Variants in UMODL1 observed in about 807,000 individuals in gnomAD.
UMODL1 encodes uromodulin like 1.
UMODL1 carries 128 observed loss-of-function variants against 136.3 expected under a neutral mutation model. That is an observed-to-expected ratio of 0.94 (90% CI 0.81 to 1.09). The LOEUF is 1.09. UMODL1 is among the 50% of genes least tolerant of loss of function. The pLI is 0.00. For synonymous variants in UMODL1, 721 were observed against 720.0 expected (o/e 1.00, Z -0.02); for missense variants, 1,766 against 1,725.6 (o/e 1.02, Z -0.41).
At chr21:42,086,437 G>A in intron 4 of UMODL1, 1 of 442,020 alleles carries the variant, frequency 2.3e-6, no homozygotes, top group South Asian at 1.6e-5. Flanking sequence ...ACCTCATGTT[G>A]TTCTGGGCTG....
intron 20 of UMODL1, among the ~76,000 whole-genome samples, chr21:42,128,379 T>C (rs1420274414): frequency 1.3e-5 from 2 of 152,142 alleles, no homozygotes; most frequent in Non-Finnish European, 2.9e-5. Context: ...GTACATGAGG[T>C]TCCCACATGT....
intron 7 of UMODL1, among the ~76,000 whole-genome samples, chr21:42,101,095 G>A (rs1298810926): frequency 6.6e-6 from 1 of 151,022 alleles, no homozygotes; most frequent in Non-Finnish European, 1.5e-5. Context: ...TTATAAAAAT[G>A]CCCTTTTTTT....
Position 42,110,942 on chromosome 21 carries a change from C to G in UMODL1, c.1720C>G (p.Leu574Val). 6.2e-7 allele frequency: 1 copy of G among 1,613,108 alleles called. No individual in the cohort carries two copies. The highest frequency in any genetic ancestry group is 1.3e-5 in the African/African-American group (1 of 75,042). The change falls in exon 11 of 23, where the codon CTT becomes GTT. Residue 574 changes from leucine (L) to valine (V), a missense_variant. Transcript: ENST00000408910. ...GGCAACAGGGGTAACGGTCCCAGGTCTTGGCACGGGAACAGCAGCCCTCGG... is the reference window on the plus strand; with the variant it reads ...GGCAACAGGGGTAACGGTCCCAGGTGTTGGCACGGGAACAGCAGCCCTCGG... The part of the protein sequence containing the change: ...SAATGVTVPG[L>V]GTGTAALGLE...
chr21:42,138,745 T>C (rs1179923714), intron 22 of UMODL1, among the ~76,000 whole-genome samples: 1 of 152,152 alleles, frequency 6.6e-6, no homozygotes, highest in Non-Finnish European at 1.5e-5. Flanking sequence ...CCAGCTAGTT[T>C]TGTATTTTTA....
chr21:42,066,467 G>A (rs764186233), upstream of UMODL1, among the ~76,000 whole-genome samples: 1 of 152,092 alleles, frequency 6.6e-6, no homozygotes, highest in Non-Finnish European at 1.5e-5. Context: ...TGTATTTTTA[G>A]TAGAGGCAGG....
Position 42,113,670 on chromosome 21 carries a change from G to C in UMODL1, c.2202G>C (p.Gln734His), listed in dbSNP as rs1176842620. 5 of 1,613,930 alleles carry C rather than the reference G, an allele frequency of 3.1e-6. No homozygotes were observed. In the African/African-American group the frequency reaches 6.7e-5, roughly 22 times the overall value. The part of the protein sequence containing the change: ...EADLAMDSTF[Q>H]LTLTSMWSPA... ...ATCTTGCTATGGACTCCACCTTCCA[G>C]CTCACTCTGACTTCCATGTGGAGCC... The change falls in exon 13 of 23, where the codon CAG (glutamine) becomes CAC (histidine). Residue 734 changes from glutamine to histidine, a missense_variant. Gln to His is a conservative substitution (Grantham distance 24). Transcript: ENST00000408910.
At chr21:42,097,152 G>A (rs570929886) in intron 6 of UMODL1, among the ~76,000 whole-genome samples, 7 of 152,274 alleles carry the variant, frequency 4.6e-5, no homozygotes, top group South Asian at 2.1e-4. Context: ...CCAGTATGCC[G>A]AAAATCACTG....
In UMODL1 at chr21:42,121,202, A is replaced by G. The variant is rs1208846532; in HGVS notation, c.2805A>G (p.Glu935=). The G allele has an allele frequency of 1.2e-6, 2 of 1,613,700 alleles. No homozygotes were observed. Among genetic ancestry groups the G allele is most frequent in the East Asian group, 2.2e-5 (1 of 44,858 alleles). ...CEGGAPDFPV[E]YSERPCEGDS... ...GAGGAGCCCCCGACTTCCCTGTGGA[A>G]TATTCTGAGAGACCCTGTGAAGGTA... The change falls in exon 16 of 23, where the codon GAA becomes GAG. Residue 935 remains glutamate (E), a synonymous_variant. Transcript: ENST00000408910.
chr21:42,116,792 G>C (rs220140), intron 14 of UMODL1, among the ~76,000 whole-genome samples: 92,562 of 152,048 alleles, frequency 0.61, 28,206 homozygotes, highest in Middle Eastern at 0.7. Context: ...GAAGTCACTC[G>C]CAGCTGGGCA....
Position 42,086,721 on chromosome 21 carries a change from T to A in UMODL1, c.603+1309T>A, listed in dbSNP as rs151063587. 103 of 438,348 alleles carry A rather than the reference T, an allele frequency of 2.3e-4. No individual in the cohort carries two copies. The East Asian group carries it at 4.1e-3, about 17-fold the overall frequency. The allele number at this position is 438,348 out of a possible 1,614,324, so 27.2% of individuals were successfully genotyped here. A position where few individuals can be genotyped will look rare whatever the true frequency, so the allele number is the denominator to read the frequency against. ...TGGCTCAAGCTTGTAATCCCAGCAC[T>A]TTGGGAGGCCGAGGCAGGCGGATCA... On this transcript the variant is annotated intron_variant, in intron 4 of 22. Transcript: ENST00000408910.
At chr21:42,081,865 G>T (rs926856693) in intron 2 of UMODL1, among the ~76,000 whole-genome samples, 1 of 152,130 alleles carries the variant, frequency 6.6e-6, no homozygotes, top group Non-Finnish European at 1.5e-5. Flanking sequence ...CATTTAGTCC[G>T]CATGTCTGCT....
rs150223579 is a variant in UMODL1 at position 42,109,452 on chromosome 21, G to A, written c.1520-110G>A. The A allele has an allele frequency of 3.2e-3, 4,797 of 1,490,806 alleles. 85 individuals carry two copies. In the Admixed American group the frequency reaches 0.043, roughly 13 times the overall value. 92.3% of individuals were successfully genotyped at this position (1,490,806 alleles called of 1,614,324 possible). ...GATGCCCCAAAATGCCCCTGCTCCC[G>A]GCCGTTCACTGCAAAGACGGCTAGG... is the stretch of plus-strand genomic sequence containing the variant. On this transcript the variant is annotated intron_variant, in intron 9 of 22. Transcript: ENST00000408910.
At position 42,111,524 on chromosome 21, in the gene UMODL1, A is replaced by G. The variant is rs746724468; in HGVS notation, c.1918A>G (p.Met640Val). 2.5e-6 allele frequency: 4 copies of G among 1,613,774 alleles called. 1 individual carries two copies. The South Asian group carries it at 3.3e-5, about 13-fold the overall frequency. ...VEQELQGNSI[M>V]EPPSWPSPTE... ...TGGACAGCTACAGGGAAACTCCATC[A>G]TGGAGCCACCCTCCTGGCCTTCCCC... Residue 640 changes from methionine (M) to valine (V), a missense_variant, in exon 12 of 23, where the codon ATG becomes GTG. Transcript: ENST00000408910.
chr21:42,125,904 AGCCG>A (rs1481069937), intron 17 of UMODL1, among the ~76,000 whole-genome samples: 1 of 152,224 alleles, frequency 6.6e-6, no homozygotes, highest in African/African-American at 2.4e-5. Context: ...CAGAGCCTGC[AGCCG>A]GCAGCTCCCT....
upstream of UMODL1, among the ~76,000 whole-genome samples, chr21:42,070,049 T>C (rs1165969457): frequency 1.3e-5 from 2 of 152,248 alleles, no homozygotes; most frequent in Non-Finnish European, 2.9e-5. Context: ...ATTCTTGTCA[T>C]GGCATCTGAC....
chr21:42,108,592 C>T (rs1225904246), intron 9 of UMODL1: 10 of 343,144 alleles, frequency 2.9e-5, no homozygotes, highest in East Asian at 7.6e-5. Flanking sequence ...TCTGGCATGC[C>T]GGGTGTGGGT....
intron 17 of UMODL1, 149 bp from the exon 18 acceptor site, chr21:42,126,196 G>A (rs933213021): frequency 1.1e-5 from 14 of 1,228,502 alleles, no homozygotes; most frequent in Non-Finnish European, 1.5e-5. Context: ...GCAGTTTATG[G>A]TTGGGAGAAT....
intron 6 of UMODL1, among the ~76,000 whole-genome samples, chr21:42,093,075 C>G (rs1481338715): frequency 1.3e-5 from 2 of 152,228 alleles, no homozygotes; most frequent in African/African-American, 4.8e-5. Flanking sequence ...CCGCCATGCC[C>G]TTTCCAACCT....
intron 1 of UMODL1, among the ~76,000 whole-genome samples, chr21:42,073,759 TAAG>T (rs2146415967): frequency 6.6e-6 from 1 of 152,272 alleles, no homozygotes; most frequent in African/African-American, 2.4e-5. Flanking sequence ...GTGGAGCGAA[TAAG>T]GACAGCAGTG....
Sources: allele counts gnomAD v4.1 joint callset (sites outside exome capture counted in the v4.1 genomes callset), GRCh38; gene constraint gnomAD v4.1.1; transcripts MANE v1.5; gene names NCBI Gene and HGNC (gene_info 2026-07-23, HGNC 2026-07-21).